SEMA5A: variants seen among roughly 807,000 people sequenced by gnomAD.
SEMA5A encodes the protein semaphorin 5A, also known as semaphorin-5A.
SEMA5A carries 55 observed loss-of-function variants against 135.5 expected under a neutral mutation model. The observed-to-expected ratio is 0.41, with a 90% confidence interval of 0.33 to 0.51. SEMA5A has a LOEUF of 0.51. Ranked by LOEUF, SEMA5A falls within the 20% of genes least tolerant of loss-of-function variation. The pLI, the probability that SEMA5A is intolerant of heterozygous loss-of-function variation, is 0.37. For synonymous variants in SEMA5A, 580 were observed against 546.5 expected (o/e 1.06, Z -0.85); for missense variants, 1,290 against 1,419.9 (o/e 0.91, Z 1.47).
intron 2 of SEMA5A, among the ~76,000 whole-genome samples, chr5:9,419,670 T>C (rs1757397664): frequency 6.6e-6 from 1 of 152,186 alleles, no homozygotes; most frequent in Non-Finnish European, 1.5e-5. Flanking sequence ...TTATGTTTCC[T>C]AGGGCATGCA....
At chr5:9,537,446 GACTA>G (rs570925863) in intron 1 of SEMA5A, among the ~76,000 whole-genome samples, 107 of 152,226 alleles carry the variant, frequency 7.0e-4, no homozygotes, top group Non-Finnish European at 2.6e-4. Flanking sequence ...GTATTTTATT[GACTA>G]ACTGAAACCA....
intron 5 of SEMA5A, among the ~76,000 whole-genome samples, chr5:9,318,105 G>T (rs747467178): frequency 6.6e-6 from 1 of 152,152 alleles, no homozygotes; most frequent in African/African-American, 2.4e-5. Flanking sequence ...TTCCTTGAAT[G>T]GTCTGTCATC....
At chr5:9,143,207 A>G (rs963663986) in intron 12 of SEMA5A, among the ~76,000 whole-genome samples, 1 of 152,184 alleles carries the variant, frequency 6.6e-6, no homozygotes, top group African/African-American at 2.4e-5. Flanking sequence ...AGTTGTTATA[A>G]TTAGTCCCTA....
chr5:9,360,708 C>T (rs1220770604), intron 3 of SEMA5A, among the ~76,000 whole-genome samples: 1 of 152,174 alleles, frequency 6.6e-6, no homozygotes, highest in East Asian at 1.9e-4. Context: ...ATACACATTC[C>T]TGAATCCTTG....
At chr5:9,072,722 C>G (rs558389181) in intron 16 of SEMA5A, among the ~76,000 whole-genome samples, 6 of 152,200 alleles carry the variant, frequency 3.9e-5, no homozygotes, top group Admixed American at 1.3e-4. Flanking sequence ...GCACCAAAAC[C>G]ATCAAACTGT....
chr5:9,263,432 T>A (rs749147894), intron 5 of SEMA5A, among the ~76,000 whole-genome samples: 1 of 152,154 alleles, frequency 6.6e-6, no homozygotes, highest in Non-Finnish European at 1.5e-5. Context: ...CAGTGAGGGA[T>A]CTAGGTTATC....
chr5:9,163,017 A>G (rs1299727891), intron 11 of SEMA5A, among the ~76,000 whole-genome samples: 2 of 152,172 alleles, frequency 1.3e-5, no homozygotes, highest in African/African-American at 4.8e-5. Context: ...AGTTCCTAAA[A>G]ATCAGGTGAA....
intron 3 of SEMA5A, among the ~76,000 whole-genome samples, chr5:9,355,902 T>A (rs1483269579): frequency 6.6e-6 from 1 of 152,238 alleles, no homozygotes; most frequent in Non-Finnish European, 1.5e-5. Context: ...TATTCCTCTC[T>A]ATCTACAACC....
At chr5:9,514,888 C>T (rs1488106704) in intron 1 of SEMA5A, among the ~76,000 whole-genome samples, 1 of 152,044 alleles carries the variant, frequency 6.6e-6, no homozygotes, top group Admixed American at 6.5e-5. Context: ...AAACTTAATC[C>T]TCAGCTCCAT....
rs1735815429 is a variant in SEMA5A, at chr5:9,039,068, C to CAGAG, written c.*3825_*3828dup. ...TGACAGCATGACCTGCTAATTCTAC[C>CAGAG]AGAGACTCCAGTGGGAACACTCAGC... On this transcript the variant is annotated 3_prime_UTR_variant, in exon 23 of 23. Transcript: ENST00000382496. 6.6e-6 allele frequency: 1 copy of CAGAG among 152,244 alleles called. No individual in the cohort carries two copies. Among genetic ancestry groups the CAGAG allele is most frequent in the Non-Finnish European group, 1.5e-5 (1 of 68,098 alleles). The allele number at this position is 152,244 out of a possible 1,614,324, so 9.4% of individuals were successfully genotyped here. A position where few individuals can be genotyped will look rare whatever the true frequency, so the allele number is the denominator to read the frequency against.
At chr5:9,480,057 T>G (rs1759816933) in intron 1 of SEMA5A, among the ~76,000 whole-genome samples, 1 of 152,146 alleles carries the variant, frequency 6.6e-6, no homozygotes. Context: ...ACCAGATTAT[T>G]CTCTGTTGCT....
chr5:9,268,999 G>C (rs1248265340), intron 5 of SEMA5A, among the ~76,000 whole-genome samples: 1 of 152,120 alleles, frequency 6.6e-6, no homozygotes, highest in Non-Finnish European at 1.5e-5. Flanking sequence ...CCTTCTGGAT[G>C]CTAAGGACAA....
chr5:9,529,407 T>C (rs1210414025), intron 1 of SEMA5A, among the ~76,000 whole-genome samples: 1 of 152,254 alleles, frequency 6.6e-6, no homozygotes, highest in African/African-American at 2.4e-5. Flanking sequence ...GAGCGTGACC[T>C]GCCCTGCCTG....
chr5:9,272,432 G>T (rs182989785), intron 5 of SEMA5A, among the ~76,000 whole-genome samples: 1 of 152,252 alleles, frequency 6.6e-6, no homozygotes, highest in African/African-American at 2.4e-5. Flanking sequence ...GTTTTTGGCA[G>T]AGCTTCAGCA....
At chr5:9,066,297 T>C in intron 17 of SEMA5A, 124 bp downstream of exon 17, 1 of 869,240 alleles carries the variant, frequency 1.2e-6, no homozygotes. Flanking sequence ...GGATCATTGT[T>C]TTCAAGGCTG....
chr5:9,148,011 C>G (rs1364867107), intron 12 of SEMA5A, among the ~76,000 whole-genome samples: 1 of 152,214 alleles, frequency 6.6e-6, no homozygotes, highest in Non-Finnish European at 1.5e-5. Flanking sequence ...TATGTTCCCA[C>G]AGCTTGAATG....
At chr5:9,431,411 C>T (rs1008317326) in intron 2 of SEMA5A, among the ~76,000 whole-genome samples, 1 of 152,168 alleles carries the variant, frequency 6.6e-6, no homozygotes, top group African/African-American at 2.4e-5. Context: ...CCAACCTTTG[C>T]TTTTTCTGCT....
chr5:9,346,836 C>T (rs1753893890), intron 3 of SEMA5A, among the ~76,000 whole-genome samples: 1 of 151,930 alleles, frequency 6.6e-6, no homozygotes. Flanking sequence ...TATCTGGCTT[C>T]ATACACACAT....
intron 1 of SEMA5A, among the ~76,000 whole-genome samples, chr5:9,453,752 C>T (rs1036471935): frequency 6.6e-6 from 1 of 152,180 alleles, no homozygotes; most frequent in African/African-American, 2.4e-5. Context: ...TCAGTATTTG[C>T]AGTGACTTCA....
Sources: allele counts gnomAD v4.1 joint callset (sites outside exome capture counted in the v4.1 genomes callset), GRCh38; gene constraint gnomAD v4.1.1; transcripts MANE v1.5; gene names NCBI Gene and HGNC (gene_info 2026-07-23, HGNC 2026-07-21).